Variants in PHKB observed in about 807,000 individuals in gnomAD.
The protein encoded by PHKB is phosphorylase kinase regulatory subunit beta, also known as phosphorylase b kinase regulatory subunit beta.
A neutral mutation model predicts 152.1 loss-of-function variants in PHKB; 122 were observed. That is an observed-to-expected ratio of 0.80 (90% CI 0.69 to 0.93). The LOEUF (loss-of-function observed/expected upper bound fraction) is 0.93, where lower values mean the gene tolerates loss of function less well. Among genes scored for constraint, PHKB ranks in the 40% least tolerant of loss-of-function variants. The pLI is 0.00. For missense variants in PHKB, 1,304 were observed against 1,328.4 expected (o/e 0.98, Z 0.29); for synonymous variants, 436 against 464.9 (o/e 0.94, Z 0.80).
chr16:47,488,071 C>A (rs1970080010), intron 1 of PHKB, among the ~76,000 whole-genome samples: 1 of 152,158 alleles, frequency 6.6e-6, no homozygotes, highest in Non-Finnish European at 1.5e-5. Flanking sequence ...ATAAGCGTTC[C>A]CTTTTTTTCC....
chr16:47,643,429 G>A (rs1973060625), intron 16 of PHKB, among the ~76,000 whole-genome samples: 1 of 152,210 alleles, frequency 6.6e-6, no homozygotes, highest in Admixed American at 6.5e-5. Context: ...AGCAAGTAAA[G>A]ACTTACAACA....
intron 6 of PHKB, among the ~76,000 whole-genome samples, chr16:47,521,819 A>G (rs1212370055): frequency 6.6e-6 from 1 of 152,102 alleles, no homozygotes; most frequent in Non-Finnish European, 1.5e-5. Flanking sequence ...TGAGATGATT[A>G]TGTGATCTTT....
At chr16:47,640,189 A>G (rs1257114820) in intron 14 of PHKB, among the ~76,000 whole-genome samples, 2 of 152,178 alleles carry the variant, frequency 1.3e-5, no homozygotes, top group East Asian at 3.8e-4. Flanking sequence ...ATTGAATACC[A>G]TAGAGAGGAA....
At chr16:47,464,013 A>G in intron 1 of PHKB, 1 of 1,426,126 alleles carries the variant, frequency 7.0e-7, no homozygotes, top group Non-Finnish European at 9.9e-7. Context: ...GTAGACCCCA[A>G]AAGGGTCACT....
chr16:47,474,871 TGC>T (rs1969841785), intron 1 of PHKB, among the ~76,000 whole-genome samples: 1 of 152,134 alleles, frequency 6.6e-6, no homozygotes, highest in Non-Finnish European at 1.5e-5. Flanking sequence ...ATTACAGGCA[TGC>T]GCCACCATGC....
chr16:47,516,050 C>T (rs1970591041), intron 6 of PHKB, among the ~76,000 whole-genome samples: 1 of 151,820 alleles, frequency 6.6e-6, no homozygotes, highest in Admixed American at 6.6e-5. Context: ...GCCTCAGCCT[C>T]CAAAGTATCT....
At chr16:47,603,562 G>A (rs528621015) in intron 13 of PHKB, among the ~76,000 whole-genome samples, 232 of 148,970 alleles carry the variant, frequency 1.6e-3, no homozygotes, top group African/African-American at 5.3e-3. Context: ...GGTGTGCAGT[G>A]GCACTATCTC....
In PHKB at chr16:47,660,532, A is replaced by G; in HGVS notation, c.1998A>G (p.Glu666=). ...CACTAATATCTGGAGCTGTGGTAGA[A>G]CAACTTGATTTCCTACGAATCAGTG... ...LQTLISGAVV[E]QLDFLRISDT... is the part of the protein sequence containing the mutation. The change falls in exon 21 of 31, where the codon GAA becomes GAG. Residue 666 remains glutamate, a synonymous_variant. Coordinates refer to ENST00000323584, the MANE Select transcript of PHKB (RefSeq NM_000293.3). 6.2e-7 allele frequency: 1 copy of G among 1,613,862 alleles called. No homozygotes were observed. The highest frequency in any genetic ancestry group is 8.5e-7 in the Non-Finnish European group (1 of 1,179,750).
At chr16:47,512,690 C>T (rs1252178320) in intron 5 of PHKB, among the ~76,000 whole-genome samples, 1 of 152,186 alleles carries the variant, frequency 6.6e-6, no homozygotes, top group Non-Finnish European at 1.5e-5. Context: ...TTATTCCCCT[C>T]TCACATCAGT....
intron 27 of PHKB, among the ~76,000 whole-genome samples, chr16:47,690,996 C>T (rs1009226779): frequency 2.6e-5 from 4 of 152,022 alleles, no homozygotes; most frequent in African/African-American, 7.2e-5. Context: ...GGAGCAGGAG[C>T]GTCCTTTGAG....
chr16:47,636,508 G>A (rs372478779), intron 14 of PHKB, among the ~76,000 whole-genome samples: 1 of 152,160 alleles, frequency 6.6e-6, no homozygotes, highest in African/African-American at 2.4e-5. Context: ...GGAAGCCCCC[G>A]GTCCCCACAG....
chr16:47,546,705 C>T (rs553719293), intron 6 of PHKB, among the ~76,000 whole-genome samples: 1 of 152,146 alleles, frequency 6.6e-6, no homozygotes, highest in Non-Finnish European at 1.5e-5. Context: ...CTATGCCATG[C>T]CCCCACAAGT....
intron 26 of PHKB, among the ~76,000 whole-genome samples, chr16:47,678,904 G>A (rs1483150969): frequency 6.6e-6 from 1 of 152,162 alleles, no homozygotes; most frequent in Non-Finnish European, 1.5e-5. Context: ...ATGGTTTTAG[G>A]TCTAACATGT....
At chr16:47,687,229 G>C (rs1463906971) in intron 26 of PHKB, among the ~76,000 whole-genome samples, 1 of 152,094 alleles carries the variant, frequency 6.6e-6, no homozygotes, top group Non-Finnish European at 1.5e-5. Context: ...TCTATGCCTG[G>C]TCTATAAAAT....
In PHKB at chr16:47,588,913, T is replaced by C. The variant is rs1971980719; in HGVS notation, c.879T>C (p.Asp293=). ...TTTCTCATTGCCTCCAGAATACAGA[T>C]GCTGCCCTGCTCCCCTGCATCAGTT... ...LPRESRSHNT[D]AALLPCISYP... The change falls in exon 10 of 31, where the codon GAT becomes GAC. Residue 293 remains aspartate (D), a synonymous_variant. Coordinates refer to ENST00000323584, the MANE Select transcript of PHKB (RefSeq NM_000293.3). 4 of 1,613,476 alleles carry C rather than the reference T, an allele frequency of 2.5e-6. No homozygotes were observed. Among genetic ancestry groups the C allele is most frequent in the East Asian group, 2.2e-5 (1 of 44,880 alleles).
intron 7 of PHKB, among the ~76,000 whole-genome samples, chr16:47,569,774 AC>A (rs1018164071): frequency 6.6e-6 from 1 of 152,120 alleles, no homozygotes; most frequent in African/African-American, 2.4e-5. Flanking sequence ...GGTGCACGCC[AC>A]CACGCCTGGC....
At chr16:47,547,674 T>A in intron 7 of PHKB, 126 bp downstream of exon 7, 4 of 667,540 alleles carry the variant, frequency 6.0e-6, no homozygotes, top group Non-Finnish European at 1.1e-5. Context: ...TTTTTCTACC[T>A]ATGATGCAGA....
intron 26 of PHKB, among the ~76,000 whole-genome samples, chr16:47,684,489 G>A (rs745507086): frequency 9.2e-5 from 14 of 152,018 alleles, no homozygotes; most frequent in Admixed American, 3.9e-4. Flanking sequence ...TTTTTAAGCC[G>A]GGCGCGGTGG....
chr16:47,468,320 A>G (rs567093008), intron 1 of PHKB, among the ~76,000 whole-genome samples: 1 of 152,216 alleles, frequency 6.6e-6, no homozygotes, highest in South Asian at 2.1e-4. Flanking sequence ...AGCTCATGTC[A>G]CTTTCCTGCT....
Sources: gnomAD v4.1 joint callset for allele counts (sites outside exome capture counted in the v4.1 genomes callset) on GRCh38, gnomAD v4.1.1 for gene constraint, MANE v1.5 for transcripts, NCBI Gene and HGNC (gene_info 2026-07-23, HGNC 2026-07-21) for gene names.